The following LDLRAD4 variants were observed in gnomAD, a reference collection of about 807,000 sequenced individuals.
LDLRAD4 encodes the protein low density lipoprotein receptor class A domain containing 4.
LDLRAD4 carries 5 observed loss-of-function variants against 17.0 expected under a neutral mutation model. The observed-to-expected ratio is 0.29, with a 90% CI of 0.15 to 0.62. The LOEUF (loss-of-function observed/expected upper bound fraction) is 0.62. Ranked by LOEUF, LDLRAD4 falls within the 20% of genes least tolerant of loss-of-function variation. LDLRAD4 has a pLI of 0.84. For synonymous variants in LDLRAD4, 168 were observed against 171.8 expected (o/e 0.98, Z 0.17); for missense variants, 340 against 424.7 (o/e 0.80, Z 1.75).
chr18:13,326,096 G>A (rs1234255683), intron 1 of LDLRAD4, among the ~76,000 whole-genome samples: 2 of 152,086 alleles, frequency 1.3e-5, no homozygotes, highest in Non-Finnish European at 2.9e-5. Flanking sequence ...GGTGACATGT[G>A]GCTGATAGCT....
At chr18:13,502,943 G>A (rs983231515) in intron 3 of LDLRAD4, among the ~76,000 whole-genome samples, 1 of 152,210 alleles carries the variant, frequency 6.6e-6, no homozygotes. Context: ...AAGAATTTAG[G>A]GGAGGAAAGG....
chr18:13,321,190 A>G lies in LDLRAD4; in HGVS notation c.-383+43002A>G, dbSNP rs373679803. On this transcript the variant is annotated intron_variant, in intron 1 of 5. Transcript: ENST00000359446. ...AGCAGACAGGCTGCCTGCTGCAGACAGGCCGGTCTCCTGCCCCTACCCGCC... is the reference window on the plus strand; with the variant it reads ...AGCAGACAGGCTGCCTGCTGCAGACGGGCCGGTCTCCTGCCCCTACCCGCC... Among the ~76,000 whole-genome samples the G allele has an allele frequency of 3.4e-4, 51 of 152,108 alleles. No individual in the cohort carries two copies. In the East Asian group the frequency reaches 7.9e-3, roughly 24 times the overall value.
intron 3 of LDLRAD4, chr18:13,486,472 G>A (rs1006076516): frequency 3.3e-5 from 5 of 152,250 alleles, no homozygotes; most frequent in African/African-American, 1.2e-4. Context: ...AAGGGAATCT[G>A]GTGATATGTA....
chr18:13,317,594 G>A (rs911664763), intron 1 of LDLRAD4, among the ~76,000 whole-genome samples: 6 of 152,190 alleles, frequency 3.9e-5, no homozygotes, highest in African/African-American at 1.4e-4. Context: ...GTGCCACTGG[G>A]AAGACCTTAC....
At chr18:13,361,196 G>C (rs1460256097) in intron 1 of LDLRAD4, among the ~76,000 whole-genome samples, 2 of 152,078 alleles carry the variant, frequency 1.3e-5, no homozygotes, top group Non-Finnish European at 1.5e-5. Context: ...TCCCACCTCA[G>C]CCTCCCGAGT....
At chr18:13,499,737 C>A (rs2093580056) in intron 3 of LDLRAD4, among the ~76,000 whole-genome samples, 1 of 151,996 alleles carries the variant, frequency 6.6e-6, no homozygotes, top group African/African-American at 2.4e-5. Flanking sequence ...ACTGGAGAAT[C>A]CTTTTTGCCA....
At chr18:13,331,600 GTAAC>G (rs2081869851) in intron 1 of LDLRAD4, among the ~76,000 whole-genome samples, 1 of 152,152 alleles carries the variant, frequency 6.6e-6, no homozygotes, top group South Asian at 2.1e-4. Context: ...CATGATCAGT[GTAAC>G]TAATTTTGAT....
At chr18:13,580,873 C>G (rs904710530) in intron 3 of LDLRAD4, among the ~76,000 whole-genome samples, 1 of 152,210 alleles carries the variant, frequency 6.6e-6, no homozygotes, top group African/African-American at 2.4e-5. Flanking sequence ...GAAGCTTGCC[C>G]TTTTAAAAAT....
At chr18:13,500,494 C>T (rs940812555) in intron 3 of LDLRAD4, 1 of 152,242 alleles carries the variant, frequency 6.6e-6, no homozygotes, top group Admixed American at 6.5e-5. Flanking sequence ...GGAGCAGCGC[C>T]TGTGGGAGGG....
intron 1 of LDLRAD4, among the ~76,000 whole-genome samples, chr18:13,243,790 C>T (rs993240642): frequency 6.6e-6 from 1 of 150,518 alleles, no homozygotes; most frequent in African/African-American, 2.4e-5. Flanking sequence ...GTCTACCCAT[C>T]CATCTATCAT....
At chr18:13,345,764 T>C (rs1489315948) in intron 1 of LDLRAD4, among the ~76,000 whole-genome samples, 3 of 152,228 alleles carry the variant, frequency 2.0e-5, no homozygotes, top group East Asian at 1.9e-4. Flanking sequence ...GAGCCTGTTA[T>C]TGGTCTATTC....
At chr18:13,238,710 A>G (rs1250342254) in intron 1 of LDLRAD4, among the ~76,000 whole-genome samples, 2 of 152,144 alleles carry the variant, frequency 1.3e-5, no homozygotes, top group Non-Finnish European at 2.9e-5. Flanking sequence ...GAGACTCAAT[A>G]CCTGGGAGGG....
intron 2 of LDLRAD4, among the ~76,000 whole-genome samples, chr18:13,409,714 T>C (rs534019001): frequency 6.6e-6 from 1 of 152,286 alleles, no homozygotes; most frequent in East Asian, 1.9e-4. Flanking sequence ...TTCAGATGAA[T>C]TCCAGTTAGT....
chr18:13,240,088 C>T (rs983391752), intron 1 of LDLRAD4: 5 of 152,226 alleles, frequency 3.3e-5, no homozygotes, highest in African/African-American at 1.2e-4. Flanking sequence ...TGGCCTTGGA[C>T]ATAGAAACTC....
chr18:13,304,168 C>T (rs961800292), intron 1 of LDLRAD4, among the ~76,000 whole-genome samples: 1 of 152,168 alleles, frequency 6.6e-6, no homozygotes, highest in Non-Finnish European at 1.5e-5. Flanking sequence ...TCCCGGCTTC[C>T]ACACTCAGGG....
At chr18:13,625,952 C>T (rs1250715101) in intron 4 of LDLRAD4, among the ~76,000 whole-genome samples, 1 of 151,306 alleles carries the variant, frequency 6.6e-6, no homozygotes, top group Non-Finnish European at 1.5e-5. Context: ...GCTGCATGAA[C>T]GTGATGGGTG....
Position 13,643,352 on chromosome 18 carries a change from C to A in LDLRAD4, c.337-7C>A. 1 of 1,468,118 alleles carries A rather than the reference C, an allele frequency of 6.8e-7. No individual in the cohort carries two copies. The allele number at this position is 1,468,118 out of a possible 1,614,324, so 90.9% of individuals were successfully genotyped here. A position where few individuals can be genotyped will look rare whatever the true frequency, so the allele number is the denominator to read the frequency against. On this transcript the variant is annotated splice_polypyrimidine_tract_variant and splice_region_variant and intron_variant, in intron 4 of 5. Transcript: ENST00000359446. ...CCCCCCACTCTCCTCCCCTTCCCCT[C>A]CGCCAGGAAGGGTGCCTGTGGCCTT... is the stretch of plus-strand genomic sequence containing the variant.
intron 3 of LDLRAD4, among the ~76,000 whole-genome samples, chr18:13,513,972 A>G (rs1445785472): frequency 6.6e-6 from 1 of 152,244 alleles, no homozygotes; most frequent in Non-Finnish European, 1.5e-5. Flanking sequence ...TTGTGGATCA[A>G]TTCAGGGAAC....
At chr18:13,292,581 G>C (rs2046025832) in intron 1 of LDLRAD4, among the ~76,000 whole-genome samples, 1 of 152,220 alleles carries the variant, frequency 6.6e-6, no homozygotes, top group Non-Finnish European at 1.5e-5. Flanking sequence ...TTCTGTCATG[G>C]AAATGTTGAA....
Sources: gnomAD v4.1 joint callset for allele counts (sites outside exome capture counted in the v4.1 genomes callset) on GRCh38, gnomAD v4.1.1 for gene constraint, MANE v1.5 for transcripts, NCBI Gene and HGNC (gene_info 2026-07-23, HGNC 2026-07-21) for gene names.